THNSL2: variants seen among roughly 807,000 people sequenced by gnomAD.
THNSL2 encodes threonine synthase-like 2.
THNSL2 carries 34 observed loss-of-function variants against 40.0 expected under a neutral mutation model. That is an observed-to-expected ratio of 0.85 (90% CI 0.65 to 1.13). The LOEUF is 1.13. Among genes scored for constraint, THNSL2 ranks in the 50% most tolerant of loss-of-function variants. The pLI is 0.00. For synonymous variants in THNSL2, 241 were observed against 247.5 expected, an observed-to-expected ratio of 0.97 and a Z score of 0.25; for missense variants, 537 against 608.8, an observed-to-expected ratio of 0.88 and a Z score of 1.24.
intron 5 of THNSL2, 60 bp from the exon 6 acceptor site, chr2:88,182,639 C>CT (rs1195568879): frequency 1.4e-6 from 2 of 1,459,088 alleles, no homozygotes; most frequent in Non-Finnish European, 1.8e-6. Context: ...GCCCAATTTA[C>CT]TTTTTTCTTT....
At chr2:88,170,649 C>T (rs975951149) in intron 1 of THNSL2, among the ~76,000 whole-genome samples, 193 bp downstream of exon 1, 5 of 152,194 alleles carry the variant, frequency 3.3e-5, no homozygotes, top group South Asian at 2.1e-4. Context: ...GTTTCTGATG[C>T]TTTGCGTTTT....
intron 3 of THNSL2, 139 bp downstream of exon 3, chr2:88,174,972 C>G: frequency 9.4e-7 from 1 of 1,058,206 alleles, no homozygotes; most frequent in Non-Finnish European, 1.4e-6. Context: ...TTTTCTGGTG[C>G]CATAGACCCC....
chr2:88,173,329 C>A lies in THNSL2; in HGVS notation c.179C>A (p.Ala60Asp), dbSNP rs527305520. The A allele has an allele frequency of 6.2e-7, 1 of 1,611,768 alleles. No individual in the cohort carries two copies. Among genetic ancestry groups the A allele is most frequent in the Admixed American group, 1.7e-5 (1 of 60,004 alleles). ...CCTGGCCTGGTGAAGGAGCTGTGTGCCCTCTTCATTGGCTCTGAGCTCCTT... is the reference window on the plus strand; with the variant it reads ...CCTGGCCTGGTGAAGGAGCTGTGTGACCTCTTCATTGGCTCTGAGCTCCTT... ...SYPGLVKELC[A>D]LFIGSELLPK... Residue 60 changes from alanine to aspartate, a missense_variant, in exon 2 of 9, where the codon GCC becomes GAC. Coordinates refer to ENST00000674334, the MANE Select transcript of THNSL2 (RefSeq NM_018271.5).
chr2:88,179,674 T>G (rs1427534196), intron 5 of THNSL2, among the ~76,000 whole-genome samples: 1 of 152,218 alleles, frequency 6.6e-6, no homozygotes, highest in Non-Finnish European at 1.5e-5. Flanking sequence ...AATCATTTTC[T>G]CTAATAATCA....
intron 7 of THNSL2, among the ~76,000 whole-genome samples, chr2:88,184,681 T>C (rs577524891): frequency 1.3e-5 from 2 of 151,992 alleles, no homozygotes; most frequent in South Asian, 4.2e-4. Context: ...GGCAGGAGAA[T>C]TGCTTGAACC....
rs1676820186 is a variant in THNSL2 at position 88,175,405 on chromosome 2, T to G, written c.571+4T>G. On this transcript the variant is annotated splice_donor_region_variant and intron_variant, in intron 4 of 8. Transcript: ENST00000674334. ...CAGAACGTACATGTGTTTGGAGGTG[T>G]GTGCTGAGGCAGAGGCTCTAGGGAC... is the stretch of plus-strand genomic sequence containing the variant. 1 of 1,613,870 alleles carries G rather than the reference T, an allele frequency of 6.2e-7. No individual in the cohort carries two copies. Among genetic ancestry groups the G allele is most frequent in the African/African-American group, 1.3e-5 (1 of 74,918 alleles).
chr2:88,186,258 G>T lies in THNSL2; in HGVS notation c.*135G>T. ...TGCTCAGCTGGATCTGGAGCCAGCT[G>T]GCTTTGCTCCGTTCCCTGGCTAGTC... On this transcript the variant is annotated 3_prime_UTR_variant, in exon 9 of 9. Transcript: ENST00000674334. 1.1e-6 allele frequency: 1 copy of T among 893,202 alleles called. No homozygotes were observed. 55.3% of individuals were successfully genotyped at this position (893,202 alleles called of 1,614,324 possible).
intron 2 of THNSL2, among the ~76,000 whole-genome samples, chr2:88,173,679 A>G (rs1483832889): frequency 6.6e-6 from 1 of 151,482 alleles, no homozygotes; most frequent in Non-Finnish European, 1.5e-5. Context: ...AATCATCTTG[A>G]GTGACTTGAA....
intron 7 of THNSL2, among the ~76,000 whole-genome samples, chr2:88,184,399 A>C (rs1678027636): frequency 6.6e-6 from 1 of 152,218 alleles, no homozygotes; most frequent in Non-Finnish European, 1.5e-5. Flanking sequence ...TAGGTGCTAG[A>C]AACACAAAGA....
intron 2 of THNSL2, among the ~76,000 whole-genome samples, chr2:88,174,297 G>A (rs1045531927): frequency 2.6e-5 from 4 of 152,112 alleles, no homozygotes; most frequent in Admixed American, 6.5e-5. Context: ...GATGGGATGC[G>A]ACATTGATGT....
chr2:88,185,634 C>T, intron 8 of THNSL2, 155 bp downstream of exon 8: 1 of 1,551,514 alleles, frequency 6.4e-7, no homozygotes, highest in East Asian at 2.4e-5. Flanking sequence ...ACTGTGGGCC[C>T]AGAAGAGGGA....
Position 88,174,597 on chromosome 2 carries a change from G to T in THNSL2, c.224-42G>T. ...AGACTGAGAGGGAACTTGAGAAAGAGACCAGGCCCCTCATTGGCTATCCAC... is the reference window on the plus strand; with the variant it reads ...AGACTGAGAGGGAACTTGAGAAAGATACCAGGCCCCTCATTGGCTATCCAC... On this transcript the variant is annotated intron_variant, in intron 2 of 8. Coordinates refer to ENST00000674334, the MANE Select transcript of THNSL2 (RefSeq NM_018271.5). The T allele has an allele frequency of 3.2e-6, 5 of 1,583,630 alleles. 1 individual carries two copies. Among genetic ancestry groups the T allele is most frequent in the South Asian group, 1.1e-5 (1 of 87,388 alleles).
At position 88,178,938 on chromosome 2, in the gene THNSL2, A is replaced by C; in HGVS notation, c.727A>C (p.Thr243Pro). The change falls in exon 5 of 9, where the codon ACG becomes CCG. Residue 243 changes from threonine (T) to proline (P), a missense_variant. By Grantham distance (38) the Thr-to-Pro change is conservative (BLOSUM62 -1). Coordinates refer to ENST00000674334, the MANE Select transcript of THNSL2 (RefSeq NM_018271.5). The stretch of plus-strand genomic sequence containing the variant: ...TCACTTCTTTGCTTACTTCCAGTGT[A>C]CGCCATCCTTGGACACACATCCCCT... ...AHHFFAYFQC[T>P]PSLDTHPLPL... is the part of the protein sequence containing the mutation. The C allele has an allele frequency of 6.2e-7, 1 of 1,614,174 alleles. No homozygotes were observed. The highest frequency in any genetic ancestry group is 8.5e-7 in the Non-Finnish European group (1 of 1,180,036).
intron 1 of THNSL2, chr2:88,171,118 A>G: frequency 5.3e-6 from 2 of 374,704 alleles, no homozygotes; most frequent in Non-Finnish European, 1.1e-5. Context: ...GCCCTCATAG[A>G]GCAGCCCAAC....
At chr2:88,175,219 G>C (rs750347673) in intron 3 of THNSL2, 30 bp from the exon 4 acceptor site, 41 of 1,607,354 alleles carry the variant, frequency 2.6e-5, no homozygotes, top group South Asian at 4.4e-5. Context: ...TTGTTCTAAA[G>C]GGGGAGAGTT....
intron 5 of THNSL2, 128 bp from the exon 6 acceptor site, chr2:88,182,571 T>G: frequency 9.2e-7 from 1 of 1,085,924 alleles, no homozygotes; most frequent in South Asian, 2.5e-5. Flanking sequence ...TTCTTGATAG[T>G]GTCCTTTTTA....
At chr2:88,172,360 A>G (rs1408248646) in intron 1 of THNSL2, 2 of 152,264 alleles carry the variant, frequency 1.3e-5, no homozygotes, top group Non-Finnish European at 2.9e-5. Flanking sequence ...AAGACTGCAT[A>G]TCAGCACTTA....
Position 88,175,460 on chromosome 2 carries a change from T to C in THNSL2, c.571+59T>C, listed in dbSNP as rs779223340. On this transcript the variant is annotated intron_variant, in intron 4 of 8. Transcript: ENST00000674334. The stretch of plus-strand genomic sequence containing the variant: ...CAGCCCTGCCTTAATTGGGTTTGCT[T>C]TGGGAGATGGACTGGAACAAAATTG... 3.8e-6 allele frequency: 6 copies of C among 1,588,132 alleles called. No individual in the cohort carries two copies. The South Asian group carries it at 4.5e-5, about 12-fold the overall frequency.
chr2:88,179,280 G>C (rs1677283973), intron 5 of THNSL2, among the ~76,000 whole-genome samples: 1 of 152,242 alleles, frequency 6.6e-6, no homozygotes, highest in Non-Finnish European at 1.5e-5. Flanking sequence ...TGGCTCAGCA[G>C]AGTGTGGAGA....
Sources: gnomAD v4.1 joint callset for allele counts (sites outside exome capture counted in the v4.1 genomes callset) on GRCh38, gnomAD v4.1.1 for gene constraint, MANE v1.5 for transcripts, NCBI Gene and HGNC (gene_info 2026-07-23, HGNC 2026-07-21) for gene names.